The following GALNT9 variants were observed in gnomAD, a reference collection of about 807,000 sequenced individuals.
GALNT9 encodes polypeptide N-acetylgalactosaminyltransferase 9, also known as GalNAc transferase 9.
In GALNT9, 47 loss-of-function variants were observed where a neutral mutation model predicts 63.1. The observed-to-expected ratio is 0.75, with a 90% CI of 0.59 to 0.95. The LOEUF (loss-of-function observed/expected upper bound fraction) is 0.95. Ranked by LOEUF, GALNT9 falls within the 40% of genes least tolerant of loss-of-function variation. GALNT9 has a pLI of 0.00. For synonymous variants in GALNT9, 396 were observed against 365.7 expected (o/e 1.08, Z -0.94); for missense variants, 829 against 874.8 (o/e 0.95, Z 0.66).
chr12:132,253,965 G>A (rs1555238809), intron 5 of GALNT9, among the ~76,000 whole-genome samples: 1 of 152,008 alleles, frequency 6.6e-6, no homozygotes, highest in African/African-American at 2.4e-5. Flanking sequence ...ATACAGGACT[G>A]TGGGCCATGA....
chr12:132,198,427 CGGGGCTGGGGCT>C lies in GALNT9; in HGVS notation c.1498-480_1498-469del, dbSNP rs57784041. Reference sequence around the variant, plus strand: ...CCAGCCCCTGACCACTGTGATTCTGCGGGGCTGGGGCTGGGGCTGGGCCTGGGCCTGTGCTGC... The same window carrying C: ...CCAGCCCCTGACCACTGTGATTCTGCGGGGCTGGGCCTGGGCCTGTGCTGC... On this transcript the variant is annotated intron_variant, in intron 9 of 10. Coordinates refer to ENST00000328957, the MANE Select transcript of GALNT9 (RefSeq NM_001122636.2). 7.9e-5 allele frequency among the ~76,000 whole-genome samples: 12 copies of C among 151,248 alleles called. No individual in the cohort carries two copies. In the South Asian group the frequency reaches 2.5e-3, roughly 32 times the overall value.
chr12:132,202,557 G>A (rs544569479), intron 7 of GALNT9, among the ~76,000 whole-genome samples: 3 of 152,334 alleles, frequency 2.0e-5, no homozygotes, highest in Admixed American at 6.5e-5. Context: ...TATTGTAAAT[G>A]AGAAGGGTCA....
intron 1 of GALNT9, among the ~76,000 whole-genome samples, chr12:132,291,546 G>GCACCCACGTCCACACCACCC (rs1880847328): frequency 7.6e-5 from 2 of 26,202 alleles, no homozygotes; most frequent in South Asian, 2.7e-3. Flanking sequence ...CCACACCACC[G>GCACCCACGTCCACACCACCC]ACATCCACAG....
chr12:132,219,690 ACCCGCCCGGG>A, intron 6 of GALNT9, among the ~76,000 whole-genome samples: 1 of 150,172 alleles, frequency 6.7e-6, no homozygotes, highest in Non-Finnish European at 1.5e-5. Context: ...CCAGGGTGAC[ACCCGCCCGGG>A]TAAGGGGAAG....
chr12:132,197,387 A>T (rs781357949), intron 10 of GALNT9, 134 bp from the exon 11 acceptor site: 181 of 1,323,518 alleles, frequency 1.4e-4, no homozygotes, highest in Non-Finnish European at 1.6e-4. Context: ...AGCCAGCATC[A>T]CAGCAGCACC....
chr12:132,317,539 T>C (rs540418441), intron 1 of GALNT9, among the ~76,000 whole-genome samples: 1 of 152,372 alleles, frequency 6.6e-6, no homozygotes, highest in East Asian at 1.9e-4. Flanking sequence ...AACAGCACAA[T>C]TGGATCACAC....
intron 1 of GALNT9, among the ~76,000 whole-genome samples, chr12:132,303,518 CCCTCACCCGGGCACAG>C (rs1881407838): frequency 1.0e-5 from 1 of 100,078 alleles, no homozygotes; most frequent in Non-Finnish European, 2.0e-5. Context: ...CCTGGGCACA[CCCTCACCCGGGCACAG>C]CCTCACCCGG....
intron 2 of GALNT9, among the ~76,000 whole-genome samples, chr12:132,276,756 C>T (rs1328486285): frequency 6.6e-6 from 1 of 152,182 alleles, no homozygotes; most frequent in Non-Finnish European, 1.5e-5. Context: ...ATGTTATGTG[C>T]TTTGTGGCAT....
At chr12:132,313,774 C>G (rs1289735262) in intron 1 of GALNT9, among the ~76,000 whole-genome samples, 16 of 144,084 alleles carry the variant, frequency 1.1e-4, no homozygotes, top group Admixed American at 1.4e-4. Flanking sequence ...ACCCAGCCAT[C>G]CATCCATACA....
At chr12:132,318,532 T>A (rs959420689) in intron 1 of GALNT9, among the ~76,000 whole-genome samples, 1 of 152,202 alleles carries the variant, frequency 6.6e-6, no homozygotes, top group Non-Finnish European at 1.5e-5. Flanking sequence ...ACAGGCAGCA[T>A]CCACGCTTGA....
At chr12:132,307,922 G>C (rs577020137) in intron 1 of GALNT9, among the ~76,000 whole-genome samples, 35 of 151,826 alleles carry the variant, frequency 2.3e-4, no homozygotes, top group Admixed American at 7.2e-4. Flanking sequence ...TGTAATCCCC[G>C]CACACTGGGA....
Position 132,260,985 on chromosome 12 carries a change from C to T in GALNT9, c.724G>A (p.Gly242Ser), listed in dbSNP as rs1357784634. 1.1e-5 allele frequency: 17 copies of T among 1,548,014 alleles called. No homozygotes were observed. Among genetic ancestry groups the T allele is most frequent in the East Asian group, 2.5e-5 (1 of 40,776 alleles). The part of the protein sequence containing the change: ...GWKAATAPVV[G>S]FFDAHVEFNT... Reference sequence around the variant, plus strand: ...AACTCGACGTGGGCATCAAAGAAGCCGACGACTGGGGCGGTGGCCGCCTTC... The same window carrying T: ...AACTCGACGTGGGCATCAAAGAAGCTGACGACTGGGGCGGTGGCCGCCTTC... Residue 242 changes from glycine to serine, a missense_variant, in exon 4 of 11, where the codon GGC becomes AGC. Coordinates refer to ENST00000328957, the MANE Select transcript of GALNT9 (RefSeq NM_001122636.2).
At chr12:132,276,529 C>T (rs1430329530) in intron 2 of GALNT9, 7 of 154,754 alleles carry the variant, frequency 4.5e-5, no homozygotes, top group Admixed American at 1.3e-4. Context: ...AAGTGCCATC[C>T]GGTAAATCTG....
chr12:132,272,111 G>C (rs28592202), intron 2 of GALNT9, among the ~76,000 whole-genome samples: 89,477 of 152,070 alleles, frequency 0.59, 26,553 homozygotes, highest in African/African-American at 0.67. Context: ...GCCCCAGAGC[G>C]GTCGGGGGAC....
chr12:132,328,448 G>A (rs1477799905), intron 1 of GALNT9, among the ~76,000 whole-genome samples: 2 of 152,212 alleles, frequency 1.3e-5, no homozygotes. Context: ...AGGACAGGGG[G>A]CCGCCTAGCC....
Position 132,196,897 on chromosome 12 carries a change from A to G in GALNT9, c.*210T>C. ...TGTCCCCAGACGCCCTCCCTCGGGT[A>G]GAGCCGCCTGTCCTAGGAGAAGCTG... is the stretch of plus-strand genomic sequence containing the variant. On this transcript the variant is annotated 3_prime_UTR_variant, in exon 11 of 11. Coordinates refer to ENST00000328957, the MANE Select transcript of GALNT9 (RefSeq NM_001122636.2). The G allele has an allele frequency of 2.2e-6, 3 of 1,390,180 alleles. No individual in the cohort carries two copies. Among genetic ancestry groups the G allele is most frequent in the Non-Finnish European group, 2.8e-6 (3 of 1,073,300 alleles). 86.1% of individuals were successfully genotyped at this position (1,390,180 alleles called of 1,614,324 possible).
At chr12:132,237,585 C>T (rs1270231148) in intron 6 of GALNT9, among the ~76,000 whole-genome samples, 3 of 152,126 alleles carry the variant, frequency 2.0e-5, no homozygotes, top group African/African-American at 7.2e-5. Context: ...CTGCTAACAC[C>T]TGCCAGTAAC....
intron 1 of GALNT9, among the ~76,000 whole-genome samples, chr12:132,313,398 C>G (rs930257508): frequency 6.6e-5 from 10 of 150,964 alleles, no homozygotes; most frequent in Non-Finnish European, 1.5e-4. Context: ...CTCACCCATC[C>G]ACGCACCCAT....
chr12:132,288,277 C>T (rs1455050729), intron 1 of GALNT9, among the ~76,000 whole-genome samples: 1 of 152,180 alleles, frequency 6.6e-6, no homozygotes, highest in African/African-American at 2.4e-5. Flanking sequence ...AACCTCTGGA[C>T]TTTCTGGAAT....
Sources: gnomAD v4.1 joint callset for allele counts (sites outside exome capture counted in the v4.1 genomes callset) on GRCh38, gnomAD v4.1.1 for gene constraint, MANE v1.5 for transcripts, NCBI Gene and HGNC (gene_info 2026-07-23, HGNC 2026-07-21) for gene names.